The following BBX variants were observed in gnomAD, a reference collection of about 807,000 sequenced individuals.
The protein encoded by BBX is HMG box transcription factor BBX.
A neutral mutation model predicts 100.2 loss-of-function variants in BBX; 30 were observed. The ratio of observed to expected loss-of-function variants is 0.30; its 90% CI spans 0.22 to 0.41. BBX has a LOEUF of 0.41. Ranked by LOEUF, BBX falls within the 10% of genes least tolerant of loss-of-function variation. BBX has a pLI of 1.00. For synonymous variants in BBX, 376 were observed against 388.1 expected (o/e 0.97, Z 0.37); for missense variants, 1,023 against 1,129.8 (o/e 0.91, Z 1.35).
At chr3:107,802,986 G>A (rs1414836976) in intron 17 of BBX, among the ~76,000 whole-genome samples, 1 of 152,080 alleles carries the variant, frequency 6.6e-6, no homozygotes, top group African/African-American at 2.4e-5. Context: ...AGACCACATT[G>A]GGATGTATTG....
At chr3:107,803,950 T>G (rs1466418608) in intron 17 of BBX, among the ~76,000 whole-genome samples, 1 of 7,572 alleles carries the variant, frequency 1.3e-4, no homozygotes, top group African/African-American at 2.5e-4. Context: ...TTTCATCTTT[T>G]TTGTTTTTTT....
intron 15 of BBX, among the ~76,000 whole-genome samples, chr3:107,795,026 T>C (rs781361129): frequency 4.6e-5 from 7 of 152,246 alleles, no homozygotes; most frequent in Admixed American, 1.3e-4. Flanking sequence ...GGATTTGTTC[T>C]GAAGTGTTCG....
intron 3 of BBX, among the ~76,000 whole-genome samples, chr3:107,660,759 T>C (rs1365707602): frequency 6.6e-6 from 1 of 152,184 alleles, no homozygotes; most frequent in Non-Finnish European, 1.5e-5. Flanking sequence ...TGAATGTTAC[T>C]AAAAAGGCAT....
chr3:107,642,309 A>AT (rs2057260615), intron 2 of BBX, among the ~76,000 whole-genome samples: 1 of 152,262 alleles, frequency 6.6e-6, no homozygotes, highest in African/African-American at 2.4e-5. Context: ...GATTAAGTTC[A>AT]TTTTATCAAC....
At chr3:107,602,845 G>T (rs2054155584) in intron 2 of BBX, among the ~76,000 whole-genome samples, 1 of 152,244 alleles carries the variant, frequency 6.6e-6, no homozygotes, top group Non-Finnish European at 1.5e-5. Flanking sequence ...TTCTAATAAA[G>T]ATGCTGTGAA....
intron 2 of BBX, among the ~76,000 whole-genome samples, chr3:107,616,005 CTTTTTTTTTTTTTTTTTTTT>C (rs59614452): frequency 0.043 from 827 of 19,250 alleles, 23 homozygotes; most frequent in Middle Eastern, 0.12. Context: ...TACTCACCTG[CTTTTTTTTTTTTTTTTTTTT>C]TTTTTTTTTT....
chr3:107,530,018 A>G (rs952142662), intron 2 of BBX, among the ~76,000 whole-genome samples: 2 of 152,354 alleles, frequency 1.3e-5, no homozygotes, highest in African/African-American at 4.8e-5. Flanking sequence ...ACCAAAATGT[A>G]AACTTAATAA....
chr3:107,745,593 T>A (rs1049885311), intron 8 of BBX, among the ~76,000 whole-genome samples: 2 of 152,042 alleles, frequency 1.3e-5, no homozygotes, highest in African/African-American at 2.4e-5. Flanking sequence ...TCCTGATAGC[T>A]AGGACTGCAG....
intron 2 of BBX, among the ~76,000 whole-genome samples, chr3:107,578,623 T>A (rs748007619): frequency 1.3e-5 from 2 of 152,206 alleles, no homozygotes; most frequent in Non-Finnish European, 1.5e-5. Flanking sequence ...TTCCTGTCTT[T>A]CTGCCTAAAG....
Position 107,659,907 on chromosome 3 carries a change from G to T in BBX, c.-10+13998G>T, listed in dbSNP as rs185928613. 4 of 371,360 alleles carry T rather than the reference G, an allele frequency of 1.1e-5. No homozygotes were observed. In the Admixed American group the frequency reaches 1.3e-4, roughly 12 times the overall value. The allele number at this position is 371,360 out of a possible 1,614,324, so 23.0% of individuals were successfully genotyped here. Reference sequence around the variant, plus strand: ...ACGTATAATATGACAGATTCCCTTCGTTGAAGTAGTAGGGTGAATCTCTAT... The same window carrying T: ...ACGTATAATATGACAGATTCCCTTCTTTGAAGTAGTAGGGTGAATCTCTAT... On this transcript the variant is annotated intron_variant, in intron 3 of 17. Transcript: ENST00000325805.
At chr3:107,776,659 TTCTC>T (rs1210979570) in intron 12 of BBX, among the ~76,000 whole-genome samples, 3 of 152,164 alleles carry the variant, frequency 2.0e-5, no homozygotes, top group African/African-American at 4.8e-5. Flanking sequence ...CCAAGAAAAA[TTCTC>T]TCAGTATTGA....
At chr3:107,672,234 A>C (rs1223719384) in intron 3 of BBX, among the ~76,000 whole-genome samples, 2 of 152,050 alleles carry the variant, frequency 1.3e-5, no homozygotes, top group East Asian at 3.9e-4. Context: ...TTAATTATAT[A>C]ACTGTTAGTG....
At position 107,773,731 on chromosome 3, in the gene BBX, G is replaced by T; in HGVS notation, c.1915+95G>T. 1 of 1,096,018 alleles carries T rather than the reference G, an allele frequency of 9.1e-7. No homozygotes were observed. The highest frequency in any genetic ancestry group is 1.6e-5 in the African/African-American group (1 of 62,658). The allele number at this position is 1,096,018 out of a possible 1,614,324, so 67.9% of individuals were successfully genotyped here. ...AACAACTGCCATAAAAAACAATATG[G>T]TATCAAAATAATACCTTACATTTGT... On this transcript the variant is annotated intron_variant, in intron 11 of 17. Transcript: ENST00000325805. This position sits in a 1 kb window ranked among gnomAD's most constrained non-coding sequence, Gnocchi z 4.1.
At chr3:107,566,807 C>T (rs960048982) in intron 2 of BBX, among the ~76,000 whole-genome samples, 2 of 151,718 alleles carry the variant, frequency 1.3e-5, no homozygotes, top group Admixed American at 1.3e-4. Flanking sequence ...TTCTTTTATC[C>T]TAATCAATTC....
rs969121913 is a variant in BBX, at chr3:107,697,863, C to T, written c.-9-12589C>T. On this transcript the variant is annotated intron_variant, in intron 3 of 17. Coordinates refer to ENST00000325805, the MANE Select transcript of BBX (RefSeq NM_001142568.3). ...CAATCAGGGAGACTCCGTGGGCGTA[C>T]GACCCTCCGAGCCAGGTGTGGGTTA... 6.6e-5 allele frequency among the ~76,000 whole-genome samples: 10 copies of T among 151,756 alleles called. 1 individual carries two copies. Among genetic ancestry groups the T allele is most frequent in the African/African-American group, 2.4e-4 (10 of 41,092 alleles).
intron 3 of BBX, among the ~76,000 whole-genome samples, chr3:107,702,925 T>C (rs1576417711): frequency 6.6e-6 from 1 of 151,984 alleles, no homozygotes; most frequent in Non-Finnish European, 1.5e-5. Flanking sequence ...GGAGAGCAGG[T>C]CAGGCACCAG....
At position 107,773,349 on chromosome 3, in the gene BBX, C is replaced by G. The variant is rs201690739; in HGVS notation, c.1628C>G (p.Ser543Cys). ...SREKKMSKEK[S>C]SDTTKESRPP... ...GAGAAGAAAATGTCAAAGGAGAAAT[C>G]CTCAGACACCACCAAAGAGTCAAGA... Residue 543 changes from serine (S) to cysteine (C), a missense_variant, in exon 11 of 18, where the codon TCC becomes TGC. Physicochemically the swap from Ser to Cys is moderately radical, Grantham distance 112. Transcript: ENST00000325805. This position sits in a 1 kb window ranked among gnomAD's most constrained non-coding sequence, Gnocchi z 4.1. The G allele has an allele frequency of 1.9e-6, 3 of 1,614,054 alleles. No homozygotes were observed. The highest frequency in any genetic ancestry group is 4.5e-5 in the East Asian group (2 of 44,876).
At chr3:107,731,873 A>G (rs1440008379) in intron 6 of BBX, among the ~76,000 whole-genome samples, 2 of 152,162 alleles carry the variant, frequency 1.3e-5, no homozygotes, top group Non-Finnish European at 2.9e-5. Flanking sequence ...CTCATTTTCA[A>G]TTGTAGATTC....
chr3:107,649,275 G>A (rs12054310), intron 3 of BBX, among the ~76,000 whole-genome samples: 29,660 of 152,090 alleles, frequency 0.2, 3,136 homozygotes, highest in African/African-American at 0.27. Context: ...GGGACACAGA[G>A]CCAAACTATA....
Sources: gnomAD v4.1 joint callset for allele counts (sites outside exome capture counted in the v4.1 genomes callset) on GRCh38, gnomAD v4.1.1 for gene constraint, Gnocchi (gnomAD v3.1) non-coding constraint, MANE v1.5 for transcripts, NCBI Gene and HGNC (gene_info 2026-07-23, HGNC 2026-07-21) for gene names.